HERC2: variants seen among roughly 807,000 people sequenced by gnomAD.
HERC2 encodes E3 ubiquitin-protein ligase HERC2.
Under a neutral mutation model 537.7 loss-of-function variants are expected in HERC2, and 102 were observed. That is an observed-to-expected ratio of 0.19 (90% CI 0.16 to 0.22). The LOEUF is 0.22. Among genes scored for constraint, HERC2 ranks in the 10% least tolerant of loss-of-function variants. The pLI, the probability that HERC2 is intolerant of heterozygous loss-of-function variation, is 1.00. For synonymous variants in HERC2, 2,224 were observed against 2,466.2 expected, an observed-to-expected ratio of 0.90 and a Z score of 2.91; for missense variants, 4,236 against 6,198.2, an observed-to-expected ratio of 0.68 and a Z score of 10.63.
intron 69 of HERC2, among the ~76,000 whole-genome samples, chr15:28,154,116 T>A (rs1436437807): frequency 2.6e-5 from 4 of 152,236 alleles, no homozygotes; most frequent in East Asian, 1.9e-4. Flanking sequence ...CTGTTATTTT[T>A]AAAAATAAAT....
intron 55 of HERC2, among the ~76,000 whole-genome samples, chr15:28,189,993 CT>C (rs897974306): frequency 1.5e-4 from 22 of 147,318 alleles, no homozygotes; most frequent in East Asian, 4.1e-4. Flanking sequence ...ACAAAAATAT[CT>C]TTTTTTTTCT....
chr15:28,300,569 T>C (rs1292455966), intron 2 of HERC2, among the ~76,000 whole-genome samples: 5 of 151,094 alleles, frequency 3.3e-5, no homozygotes, highest in African/African-American at 1.2e-4. Context: ...ACACCCGTAA[T>C]CCCAGCATTT....
intron 35 of HERC2, among the ~76,000 whole-genome samples, chr15:28,227,001 G>A (rs758614307): frequency 5.0e-4 from 76 of 152,190 alleles, no homozygotes; most frequent in Non-Finnish European, 9.3e-4. Context: ...CGGGCTGGGC[G>A]CAGTGGCTCA....
intron 83 of HERC2, among the ~76,000 whole-genome samples, chr15:28,125,992 A>G (rs946348015): frequency 6.6e-6 from 1 of 152,162 alleles, no homozygotes; most frequent in African/African-American, 2.4e-5. Flanking sequence ...TTGTATTTTT[A>G]GCAGAGACAG....
In HERC2 at chr15:28,195,060, A is replaced by C. The variant is rs200053388; in HGVS notation, c.8260+1155T>G. ...AACAGAGTGAGACTCCGTCTCAAAA[A>C]AAAAAAAAATTAAAATATGTTAAGA... On this transcript the variant is annotated intron_variant, in intron 52 of 92. Coordinates refer to ENST00000261609, the MANE Select transcript of HERC2 (RefSeq NM_004667.6). 8.5e-5 allele frequency among the ~76,000 whole-genome samples: 13 copies of C among 152,148 alleles called. No individual in the cohort carries two copies. The East Asian group carries it at 2.3e-3, about 27-fold the overall frequency.
At chr15:28,318,770 C>CA (rs2077157392) in intron 2 of HERC2, among the ~76,000 whole-genome samples, 1 of 151,850 alleles carries the variant, frequency 6.6e-6, no homozygotes, top group South Asian at 2.1e-4. Context: ...ATAAAGAAGT[C>CA]AATAAGTGCT....
At chr15:28,165,043 G>A (rs1186257398) in intron 68 of HERC2, among the ~76,000 whole-genome samples, 1 of 152,258 alleles carries the variant, frequency 6.6e-6, no homozygotes, top group Non-Finnish European at 1.5e-5. Flanking sequence ...GGCTGGCAAG[G>A]GAGTACACAT....
Position 28,246,069 on chromosome 15 carries a change from A to C in HERC2, c.3392-3T>G. On this transcript the variant is annotated splice_region_variant and splice_polypyrimidine_tract_variant and intron_variant, in intron 22 of 92. Coordinates refer to ENST00000261609, the MANE Select transcript of HERC2 (RefSeq NM_004667.6). ...TACTAGTTCTGGAAGGAGAACACCT[A>C]CATTTAAGAAATAATAAGATTTAAA... 6.4e-7 allele frequency: 1 copy of C among 1,560,288 alleles called. No individual in the cohort carries two copies. Among genetic ancestry groups the C allele is most frequent in the Non-Finnish European group, 8.7e-7 (1 of 1,143,586 alleles).
At chr15:28,141,331 G>A (rs1420746530) in intron 78 of HERC2, 101 bp downstream of exon 78, 23 of 944,528 alleles carry the variant, frequency 2.4e-5, no homozygotes, top group Admixed American at 1.2e-4. Flanking sequence ...CCTGAGAAAC[G>A]TTTTAGTACA....
At chr15:28,311,132 G>C (rs1190193082) in intron 2 of HERC2, among the ~76,000 whole-genome samples, 1 of 109,726 alleles carries the variant, frequency 9.1e-6, no homozygotes, top group African/African-American at 3.3e-5. Context: ...AAAAAAGAAA[G>C]GATGACAGTA....
intron 15 of HERC2, among the ~76,000 whole-genome samples, chr15:28,262,121 C>A (rs1416548370): frequency 3.9e-5 from 6 of 152,182 alleles, no homozygotes; most frequent in Admixed American, 3.9e-4. Flanking sequence ...TGCCTTTTCC[C>A]TTCTTCCTAC....
chr15:28,129,675 A>G (rs1889892846), intron 83 of HERC2, among the ~76,000 whole-genome samples: 1 of 152,184 alleles, frequency 6.6e-6, no homozygotes, highest in African/African-American at 2.4e-5. Context: ...AATAAGTAAT[A>G]AATAGAACTC....
intron 38 of HERC2, among the ~76,000 whole-genome samples, chr15:28,217,039 G>A (rs1021785734): frequency 4.6e-5 from 7 of 151,936 alleles, no homozygotes; most frequent in African/African-American, 1.7e-4. Flanking sequence ...AACATCACTC[G>A]TGCTCACACT....
At chr15:28,247,878 G>GA (rs1321129207) in intron 21 of HERC2, among the ~76,000 whole-genome samples, 1 of 152,080 alleles carries the variant, frequency 6.6e-6, no homozygotes, top group Non-Finnish European at 1.5e-5. Context: ...GTTACTTTGG[G>GA]AAAAAAACAG....
intron 52 of HERC2, among the ~76,000 whole-genome samples, chr15:28,194,707 G>T (rs972576615): frequency 6.6e-6 from 1 of 152,152 alleles, no homozygotes; most frequent in African/African-American, 2.4e-5. Context: ...AACATTTTCT[G>T]TGTGCATAAA....
intron 22 of HERC2, 65 bp from the exon 23 acceptor site, chr15:28,246,131 T>C: frequency 1.8e-6 from 2 of 1,084,266 alleles, no homozygotes; most frequent in South Asian, 1.6e-5. Flanking sequence ...TGTAAACTTG[T>C]TCTGTGTTTA....
At chr15:28,276,353 A>G (rs1201274012) in intron 5 of HERC2, among the ~76,000 whole-genome samples, 1 of 152,166 alleles carries the variant, frequency 6.6e-6, no homozygotes, top group Admixed American at 6.5e-5. Context: ...CAGAGAGGAA[A>G]CACAAGAACC....
chr15:28,299,556 A>G (rs201434128), intron 2 of HERC2, 40 bp from the exon 3 acceptor site: 1 of 1,023,522 alleles, frequency 9.8e-7, no homozygotes, highest in East Asian at 2.4e-5. Context: ...GAGTGCTCAC[A>G]CTCACATTGC....
At chr15:28,296,178 A>C (rs1288311212) in intron 3 of HERC2, among the ~76,000 whole-genome samples, 2 of 152,176 alleles carry the variant, frequency 1.3e-5, no homozygotes, top group Non-Finnish European at 2.9e-5. Flanking sequence ...AAGGACAAAA[A>C]AATTCATCAA....
Sources: allele counts gnomAD v4.1 joint callset (sites outside exome capture counted in the v4.1 genomes callset), GRCh38; gene constraint gnomAD v4.1.1; transcripts MANE v1.5; gene names NCBI Gene and HGNC (gene_info 2026-07-23, HGNC 2026-07-21).